GALNTL6: variants seen among roughly 807,000 people sequenced by gnomAD.
GALNTL6 encodes the protein polypeptide N-acetylgalactosaminyltransferase-like 6.
GALNTL6 carries 46 observed loss-of-function variants against 73.7 expected under a neutral mutation model. That is an observed-to-expected ratio of 0.62 (90% CI 0.49 to 0.80). The LOEUF is 0.80. Among genes scored for constraint, GALNTL6 ranks in the 30% least tolerant of loss-of-function variants. The pLI is 0.00. For synonymous variants in GALNTL6, 259 were observed against 263.7 expected, an observed-to-expected ratio of 0.98 and a Z score of 0.17; for missense variants, 604 against 755.0, an observed-to-expected ratio of 0.80 and a Z score of 2.34.
intron 5 of GALNTL6, among the ~76,000 whole-genome samples, chr4:172,376,522 G>GTT (rs2111270126): frequency 6.6e-6 from 1 of 152,298 alleles, no homozygotes; most frequent in Admixed American, 6.5e-5. Context: ...AGAGTCAGGG[G>GTT]TTGTTAGACA....
At chr4:172,966,399 CTT>C (rs561306473) in intron 10 of GALNTL6, among the ~76,000 whole-genome samples, 3 of 143,240 alleles carry the variant, frequency 2.1e-5, no homozygotes, top group African/African-American at 2.5e-5. Flanking sequence ...GGGAGTCGAT[CTT>C]TTTTTTTTTT....
intron 7 of GALNTL6, among the ~76,000 whole-genome samples, chr4:172,863,013 C>T (rs887264336): frequency 2.0e-5 from 3 of 152,224 alleles, no homozygotes; most frequent in Non-Finnish European, 4.4e-5. Flanking sequence ...ATGGAAGGTA[C>T]AGGCCCCAAG....
At chr4:172,747,863 T>C (rs1271354578) in intron 5 of GALNTL6, among the ~76,000 whole-genome samples, 1 of 133,080 alleles carries the variant, frequency 7.5e-6, no homozygotes, top group Non-Finnish European at 1.6e-5. Context: ...CACAGGAAAA[T>C]ACATGTCATC....
At chr4:172,430,608 G>C (rs1159204813) in intron 5 of GALNTL6, among the ~76,000 whole-genome samples, 1 of 151,846 alleles carries the variant, frequency 6.6e-6, no homozygotes, top group African/African-American at 2.4e-5. Context: ...AAGAATAGGA[G>C]ACATAATGAG....
chr4:172,635,106 C>A (rs1295287480), intron 5 of GALNTL6, among the ~76,000 whole-genome samples: 1 of 152,090 alleles, frequency 6.6e-6, no homozygotes, highest in Non-Finnish European at 1.5e-5. Flanking sequence ...CTTCAGTAAT[C>A]ATGAAGCACT....
chr4:172,325,581 C>G (rs1275092303), intron 4 of GALNTL6, among the ~76,000 whole-genome samples: 2 of 151,852 alleles, frequency 1.3e-5, no homozygotes, highest in Admixed American at 1.3e-4. Context: ...ACAACATTTC[C>G]TGTAATTTTC....
At chr4:172,192,236 T>C (rs554975200) in intron 2 of GALNTL6, among the ~76,000 whole-genome samples, 250 of 152,154 alleles carry the variant, frequency 1.6e-3, no homozygotes, top group Non-Finnish European at 3.0e-3. Context: ...AATGAAGTGA[T>C]AAAAGAGTTT....
intron 2 of GALNTL6, among the ~76,000 whole-genome samples, chr4:172,050,732 T>A (rs1219529429): frequency 1.3e-5 from 2 of 152,186 alleles, no homozygotes; most frequent in African/African-American, 4.8e-5. Context: ...AAATTCCTTA[T>A]ATACTTCTCC....
intron 5 of GALNTL6, among the ~76,000 whole-genome samples, chr4:172,649,949 G>T (rs1274328378): frequency 1.3e-5 from 2 of 152,186 alleles, no homozygotes; most frequent in Non-Finnish European, 2.9e-5. Flanking sequence ...GGCTTCAGAT[G>T]TAGCCAAGGA....
chr4:172,447,466 C>T (rs1231627156), intron 5 of GALNTL6, among the ~76,000 whole-genome samples: 2 of 152,184 alleles, frequency 1.3e-5, no homozygotes, highest in African/African-American at 4.8e-5. Context: ...TACATTTCCC[C>T]ATACTTACAG....
At chr4:172,748,621 A>G (rs1485972055) in intron 5 of GALNTL6, among the ~76,000 whole-genome samples, 1 of 152,176 alleles carries the variant, frequency 6.6e-6, no homozygotes, top group Non-Finnish European at 1.5e-5. Flanking sequence ...GGGTAGATAC[A>G]GTAAGGGGAA....
chr4:172,270,440 G>A (rs933060362), intron 3 of GALNTL6, among the ~76,000 whole-genome samples: 1 of 152,154 alleles, frequency 6.6e-6, no homozygotes, highest in African/African-American at 2.4e-5. Flanking sequence ...AGGCTAGTGT[G>A]TATGTATTCT....
At chr4:172,632,075 G>A (rs1579264006) in intron 5 of GALNTL6, among the ~76,000 whole-genome samples, 2 of 152,204 alleles carry the variant, frequency 1.3e-5, no homozygotes, top group East Asian at 1.9e-4. Flanking sequence ...CCTCTAGCAT[G>A]ATTGTGAGGC....
chr4:172,720,242 CACAG>C (rs1358699884), intron 5 of GALNTL6, among the ~76,000 whole-genome samples: 1 of 152,038 alleles, frequency 6.6e-6, no homozygotes, highest in Non-Finnish European at 1.5e-5. Context: ...AATTTAGGCT[CACAG>C]ACAGTTTAAA....
At chr4:172,949,958 AG>A (rs1749363999) in intron 9 of GALNTL6, among the ~76,000 whole-genome samples, 1 of 152,102 alleles carries the variant, frequency 6.6e-6, no homozygotes, top group Non-Finnish European at 1.5e-5. Context: ...AAAGAAAGAA[AG>A]AAAAGAAAAG....
chr4:172,898,363 A>G (rs1746442489), intron 8 of GALNTL6, among the ~76,000 whole-genome samples: 2 of 151,892 alleles, frequency 1.3e-5, no homozygotes, highest in African/African-American at 4.8e-5. Flanking sequence ...GCTTATAAAT[A>G]AAAATAATTA....
chr4:172,553,864 C>T (rs1736050160), intron 5 of GALNTL6, among the ~76,000 whole-genome samples: 1 of 151,970 alleles, frequency 6.6e-6, no homozygotes, highest in South Asian at 2.1e-4. Context: ...TGAGACTATC[C>T]TGGACAACAT....
At chr4:171,996,206 C>T (rs888829542) in intron 2 of GALNTL6, among the ~76,000 whole-genome samples, 18 of 152,028 alleles carry the variant, frequency 1.2e-4, no homozygotes, top group African/African-American at 3.9e-4. Flanking sequence ...TAATGTCATG[C>T]TTTATTTGGT....
intron 3 of GALNTL6, among the ~76,000 whole-genome samples, chr4:172,293,425 A>T (rs929683612): frequency 7.3e-6 from 1 of 136,452 alleles, no homozygotes; most frequent in Non-Finnish European, 1.6e-5. Flanking sequence ...TTATATATGC[A>T]TTAATGACTC....
Sources: gnomAD v4.1 joint callset for allele counts (sites outside exome capture counted in the v4.1 genomes callset) on GRCh38, gnomAD v4.1.1 for gene constraint, MANE v1.5 for transcripts, NCBI Gene and HGNC (gene_info 2026-07-23, HGNC 2026-07-21) for gene names.